Variants in AUTS2 observed in about 807,000 individuals in gnomAD.
AUTS2 encodes the protein activator of transcription and developmental regulator AUTS2.
In AUTS2, 17 loss-of-function variants were observed where a neutral mutation model predicts 112.4. The observed-to-expected ratio is 0.15, with a 90% CI of 0.10 to 0.23. The LOEUF (loss-of-function observed/expected upper bound fraction) is 0.23. Ranked by LOEUF, AUTS2 falls within the 10% of genes least tolerant of loss-of-function variation. The probability of loss-of-function intolerance (pLI) is 1.00; values close to 1 mark genes in which losing one functional copy is unlikely to be tolerated. For missense variants in AUTS2, 1,510 were observed against 1,701.6 expected (o/e 0.89, Z 1.98); for synonymous variants, 751 against 702.7 (o/e 1.07, Z -1.09).
chr7:70,383,851 G>C (rs1793487602), intron 4 of AUTS2, among the ~76,000 whole-genome samples: 1 of 152,124 alleles, frequency 6.6e-6, no homozygotes, highest in African/African-American at 2.4e-5. Context: ...TCCATTAGAC[G>C]ATGCCTTTGT....
At chr7:70,650,627 C>T (rs780009305) in intron 5 of AUTS2, among the ~76,000 whole-genome samples, 8 of 152,224 alleles carry the variant, frequency 5.3e-5, no homozygotes, top group African/African-American at 1.2e-4. Context: ...GTCAGACATA[C>T]AACAATTGTG....
At chr7:70,760,257 G>A (rs961085597) in intron 6 of AUTS2, among the ~76,000 whole-genome samples, 4 of 152,172 alleles carry the variant, frequency 2.6e-5, no homozygotes, top group Non-Finnish European at 5.9e-5. Context: ...CGCCCGCCTT[G>A]GCCTCCCAAA....
chr7:69,903,472 C>G (rs1229734099), intron 2 of AUTS2, among the ~76,000 whole-genome samples: 1 of 152,162 alleles, frequency 6.6e-6, no homozygotes, highest in Non-Finnish European at 1.5e-5. Flanking sequence ...TCAGAGAACT[C>G]TCAGATTTGG....
At chr7:70,187,384 AT>A (rs1809658934) in intron 4 of AUTS2, among the ~76,000 whole-genome samples, 1 of 152,210 alleles carries the variant, frequency 6.6e-6, no homozygotes, top group African/African-American at 2.4e-5. Flanking sequence ...TATGTAAGAT[AT>A]ATACCTATTA....
intron 5 of AUTS2, among the ~76,000 whole-genome samples, chr7:70,562,087 C>T (rs577270411): frequency 3.6e-4 from 55 of 152,272 alleles, no homozygotes; most frequent in South Asian, 1.0e-3. Context: ...CCTTCTGCCT[C>T]GAGTAAAACT....
chr7:69,766,908 C>T (rs544125509), intron 1 of AUTS2, among the ~76,000 whole-genome samples: 12 of 152,238 alleles, frequency 7.9e-5, no homozygotes, highest in Non-Finnish European at 1.5e-4. Flanking sequence ...AATATAGTTC[C>T]AGATGTGCTT....
At chr7:70,136,345 G>A (rs1330124667) in intron 4 of AUTS2, among the ~76,000 whole-genome samples, 3 of 152,130 alleles carry the variant, frequency 2.0e-5, no homozygotes, top group Non-Finnish European at 4.4e-5. Flanking sequence ...TTTCAACTGT[G>A]ACAAAAATGC....
intron 5 of AUTS2, among the ~76,000 whole-genome samples, chr7:70,520,474 C>T (rs1799597898): frequency 6.6e-6 from 1 of 152,188 alleles, no homozygotes; most frequent in Non-Finnish European, 1.5e-5. Flanking sequence ...AATGTTGTCT[C>T]CAGCAATTCT....
At chr7:70,497,696 A>G (rs183423469) in intron 5 of AUTS2, among the ~76,000 whole-genome samples, 70 of 152,240 alleles carry the variant, frequency 4.6e-4, no homozygotes, top group African/African-American at 1.7e-3. Flanking sequence ...TTACCTGTTC[A>G]TTAGGGGCAT....
intron 2 of AUTS2, among the ~76,000 whole-genome samples, chr7:70,115,394 C>T (rs1047851272): frequency 2.0e-5 from 3 of 152,172 alleles, no homozygotes; most frequent in Non-Finnish European, 4.4e-5. Context: ...GGGCTGGTCT[C>T]GAACTCCTGG....
chr7:70,132,485 AT>A (rs1289681125), intron 3 of AUTS2, among the ~76,000 whole-genome samples: 1 of 152,222 alleles, frequency 6.6e-6, no homozygotes, highest in African/African-American at 2.4e-5. Context: ...AGCATAACAA[AT>A]GAAGTGAAAT....
chr7:69,677,087 T>C lies in AUTS2; in HGVS notation c.309+77125T>C, dbSNP rs561322882. On this transcript the variant is annotated intron_variant, in intron 1 of 18. Transcript: ENST00000342771. ...TTTGGATGTCTTGTTAAATGGAGCT[T>C]TTTGAGTATAAGGGTTTCTGAAGAA... is the stretch of plus-strand genomic sequence containing the variant. Among the ~76,000 whole-genome samples, 481 of 152,260 alleles carry C rather than the reference T, an allele frequency of 3.2e-3. 2 individuals are homozygous for C. Among genetic ancestry groups the C allele is most frequent in the Non-Finnish European group, 5.7e-3 (389 of 68,020 alleles).
chr7:70,580,673 G>A (rs1802391854), intron 5 of AUTS2, among the ~76,000 whole-genome samples: 2 of 152,144 alleles, frequency 1.3e-5, no homozygotes, highest in South Asian at 4.1e-4. Context: ...GGAGAGTCAG[G>A]TTATTTTTTA....
chr7:69,910,368 C>T (rs1048948075), intron 2 of AUTS2, among the ~76,000 whole-genome samples: 15 of 152,194 alleles, frequency 9.9e-5, no homozygotes, highest in Non-Finnish European at 2.2e-4. Flanking sequence ...CCAGATCCCA[C>T]ACCTGCCAAG....
intron 4 of AUTS2, among the ~76,000 whole-genome samples, chr7:70,363,505 T>C (rs1792383972): frequency 6.6e-6 from 1 of 151,558 alleles, no homozygotes; most frequent in Admixed American, 6.6e-5. Context: ...TTGATAGTCT[T>C]ATTTTTAATT....
chr7:69,868,973 T>C lies in AUTS2; in HGVS notation c.310-30313T>C, dbSNP rs529475339. ...ATTTGCCTTTGGTTCAGTGCATACC[T>C]ATAATACACATTGGGTCTTCTTTTG... is the stretch of plus-strand genomic sequence containing the variant. On this transcript the variant is annotated intron_variant, in intron 1 of 18. Transcript: ENST00000342771. 9.2e-5 allele frequency among the ~76,000 whole-genome samples: 14 copies of C among 152,328 alleles called. No individual in the cohort carries two copies. The South Asian group carries it at 2.3e-3, about 25-fold the overall frequency.
At chr7:69,937,254 C>A (rs537228836) in intron 2 of AUTS2, among the ~76,000 whole-genome samples, 2 of 152,216 alleles carry the variant, frequency 1.3e-5, no homozygotes, top group Non-Finnish European at 2.9e-5. Flanking sequence ...CATTAAACCA[C>A]TTTGGCCACA....
At chr7:69,680,817 G>A (rs1192907518) in intron 1 of AUTS2, among the ~76,000 whole-genome samples, 2 of 151,988 alleles carry the variant, frequency 1.3e-5, no homozygotes, top group African/African-American at 2.4e-5. Flanking sequence ...TTACGGGCTC[G>A]CGCCACCATA....
At chr7:70,305,790 G>T (rs1789466111) in intron 4 of AUTS2, among the ~76,000 whole-genome samples, 1 of 152,142 alleles carries the variant, frequency 6.6e-6, no homozygotes, top group African/African-American at 2.4e-5. Flanking sequence ...ATTTCAAGGT[G>T]CTGGAAATTA....
Sources: gnomAD v4.1 joint callset for allele counts (sites outside exome capture counted in the v4.1 genomes callset) on GRCh38, gnomAD v4.1.1 for gene constraint, MANE v1.5 for transcripts, NCBI Gene and HGNC (gene_info 2026-07-23, HGNC 2026-07-21) for gene names.